CLIC5: variants seen among roughly 807,000 people sequenced by gnomAD.
CLIC5 encodes the protein CLIC family member 5.
Under a neutral mutation model 24.7 loss-of-function variants are expected in CLIC5, and 20 were observed. The observed-to-expected ratio is 0.81, with a 90% CI of 0.57 to 1.18. CLIC5 has a LOEUF of 1.18. CLIC5 is among the 50% of genes most tolerant of loss of function. CLIC5 has a pLI of 0.00. For synonymous variants in CLIC5, 159 were observed against 135.6 expected, an observed-to-expected ratio of 1.17 and a Z score of -1.20; for missense variants, 341 against 326.1, an observed-to-expected ratio of 1.05 and a Z score of -0.35.
At chr6:46,129,333 T>C in the CLIC5 span, among the ~76,000 whole-genome samples, 1 of 152,264 alleles carries the variant, frequency 6.6e-6, no homozygotes, top group Non-Finnish European at 1.5e-5. Context: ...CTGCTCTTTA[T>C]GTTGGAAAGT....
rs148357903 is a variant in CLIC5, at chr6:45,947,635, A to G, written c.299+1621T>C. ...TTAACTGCGTCATGAACTTTCCTCTATGGGTCTCCCAGGCAAAGTCTAAAC... is the reference window on the plus strand; with the variant it reads ...TTAACTGCGTCATGAACTTTCCTCTGTGGGTCTCCCAGGCAAAGTCTAAAC... On this transcript the variant is annotated intron_variant, in intron 3 of 5. Transcript: ENST00000339561. Among the ~76,000 whole-genome samples, 1,185 of 152,282 alleles carry G rather than the reference A, an allele frequency of 7.8e-3. 10 individuals carry two copies. Among genetic ancestry groups the G allele is most frequent in the African/African-American group, 0.027 (1,124 of 41,556 alleles).
intron 1 of CLIC5, among the ~76,000 whole-genome samples, chr6:45,975,445 T>C (rs1347292384): frequency 6.6e-6 from 1 of 152,206 alleles, no homozygotes; most frequent in Non-Finnish European, 1.5e-5. Context: ...CTGTCAAAGT[T>C]AAAATGTATA....
chr6:45,941,774 G>A (rs913065350), intron 3 of CLIC5, 121 bp from the exon 4 acceptor site: 2 of 804,550 alleles, frequency 2.5e-6, no homozygotes, highest in Non-Finnish European at 4.3e-6. Context: ...AATGTTTTGG[G>A]GGTCTTTATC....
chr6:45,956,970 A>G (rs1359683773), intron 1 of CLIC5, among the ~76,000 whole-genome samples: 1 of 152,210 alleles, frequency 6.6e-6, no homozygotes, highest in Non-Finnish European at 1.5e-5. Flanking sequence ...ACTTGAGTTT[A>G]TGATGTACGT....
At chr6:46,116,457 T>A in the CLIC5 span, among the ~76,000 whole-genome samples, 22 of 152,188 alleles carry the variant, frequency 1.4e-4, no homozygotes, top group Non-Finnish European at 1.5e-5. Context: ...CTCGAGCTAT[T>A]TGAGCTTTCA....
At chr6:46,054,165 C>T (rs1768182060) in intron 1 of CLIC5, among the ~76,000 whole-genome samples, 1 of 152,028 alleles carries the variant, frequency 6.6e-6, no homozygotes, top group Admixed American at 6.5e-5. Context: ...AACGAGGGAC[C>T]GACTGGCATT....
chr6:46,050,842 A>AGTGTGTGTGTAT (rs1554165529), intron 1 of CLIC5, among the ~76,000 whole-genome samples: 1 of 93,194 alleles, frequency 1.1e-5, no homozygotes, highest in Non-Finnish European at 2.3e-5. Context: ...TAAGGTATAA[A>AGTGTGTGTGTAT]GTGTGTGTGT....
chr6:45,977,604 G>T (rs1172658858), intron 1 of CLIC5, among the ~76,000 whole-genome samples: 1 of 151,940 alleles, frequency 6.6e-6, no homozygotes, highest in African/African-American at 2.4e-5. Context: ...TTTTTCCAGG[G>T]TTATAAATTC....
intron 1 of CLIC5, among the ~76,000 whole-genome samples, chr6:46,059,725 G>A (rs1348971632): frequency 1.3e-5 from 2 of 152,206 alleles, no homozygotes; most frequent in East Asian, 3.8e-4. Context: ...ATTGCAAGTA[G>A]CCACTGAGAC....
the CLIC5 span, among the ~76,000 whole-genome samples, chr6:46,117,378 A>C: frequency 1.3e-5 from 2 of 152,178 alleles, no homozygotes; most frequent in African/African-American, 4.8e-5. Flanking sequence ...TTTTTAACAA[A>C]AGCCACAAGT....
chr6:45,895,929 T>G (rs1334997716), downstream of CLIC5, among the ~76,000 whole-genome samples: 2 of 152,226 alleles, frequency 1.3e-5, no homozygotes, highest in Non-Finnish European at 2.9e-5. Flanking sequence ...ATAAGAGTGT[T>G]TGGGGCATTG....
chr6:45,960,135 T>C (rs1054646306), intron 1 of CLIC5, among the ~76,000 whole-genome samples: 5 of 152,312 alleles, frequency 3.3e-5, no homozygotes, highest in Non-Finnish European at 4.4e-5. Flanking sequence ...TGGAGAACCA[T>C]TGTTTTAAGA....
At chr6:46,060,888 T>C (rs2127470044) in intron 1 of CLIC5, among the ~76,000 whole-genome samples, 1 of 152,342 alleles carries the variant, frequency 6.6e-6, no homozygotes, top group East Asian at 1.9e-4. Flanking sequence ...AAGTCCTTCA[T>C]GTTGTGAATC....
Position 46,079,872 on chromosome 6 carries a change from A to C in CLIC5, c.371T>G (p.Leu124Arg). 1.9e-6 allele frequency: 3 copies of C among 1,552,114 alleles called. No homozygotes were observed. In the South Asian group the frequency reaches 3.6e-5, roughly 18 times the overall value. ...CTTCATCACACTCCCATTCTCCTGGAGTTCTGCTGCGCAGAGTTGCTGGTC... is the reference window on the plus strand; with the variant it reads ...CTTCATCACACTCCCATTCTCCTGGCGTTCTGCTGCGCAGAGTTGCTGGTC... The change falls in exon 1 of 6, where the codon CTC (leucine) becomes CGC (arginine). Residue 124 changes from leucine to arginine, a missense_variant. Coordinates refer to the CLIC5 transcript ENST00000185206.
Position 45,881,979 on chromosome 6 carries a change from T to TA in CLIC5, c.624-792dup, listed in dbSNP as rs5875939. On this transcript the variant is annotated intron_variant, in intron 6 of 6. Coordinates refer to the CLIC5 transcript ENST00000644324. Reference sequence around the variant, plus strand: ...ATAGTCAGAGAAAGAAGACTTCCTTTAAAAAAAAAAAAAAGTGATGTGAAT... The same window carrying TA: ...ATAGTCAGAGAAAGAAGACTTCCTTTAAAAAAAAAAAAAAAGTGATGTGAAT... Among the ~76,000 whole-genome samples, 283 of 148,280 alleles carry TA rather than the reference T, an allele frequency of 1.9e-3. 2 individuals carry two copies. The highest frequency in any genetic ancestry group is 6.4e-3 in the African/African-American group (258 of 40,558).
the CLIC5 span, among the ~76,000 whole-genome samples, chr6:46,095,328 T>C: frequency 6.6e-6 from 1 of 152,238 alleles, no homozygotes; most frequent in South Asian, 2.1e-4. Flanking sequence ...CCCCTGAAAA[T>C]GGGTTTTTCC....
At chr6:46,035,976 A>G (rs1488933150) in intron 1 of CLIC5, among the ~76,000 whole-genome samples, 1 of 152,028 alleles carries the variant, frequency 6.6e-6, no homozygotes, top group East Asian at 1.9e-4. Flanking sequence ...CAATCTCTTC[A>G]CCTTGTGATC....
At chr6:46,049,906 T>A (rs1768057316) in intron 1 of CLIC5, among the ~76,000 whole-genome samples, 1 of 152,218 alleles carries the variant, frequency 6.6e-6, no homozygotes, top group African/African-American at 2.4e-5. Flanking sequence ...GCTCCTTTTA[T>A]AAGCTAATGT....
chr6:46,095,060 A>G, the CLIC5 span, among the ~76,000 whole-genome samples: 1 of 152,182 alleles, frequency 6.6e-6, no homozygotes, highest in Admixed American at 6.5e-5. Context: ...CAGCAGCCTG[A>G]GCAATACCCA....
Sources: gnomAD v4.1 joint callset for allele counts (sites outside exome capture counted in the v4.1 genomes callset) on GRCh38, gnomAD v4.1.1 for gene constraint, MANE v1.5 for transcripts, NCBI Gene and HGNC (gene_info 2026-07-23, HGNC 2026-07-21) for gene names.